The following SLF1 variants were observed in gnomAD, a reference collection of about 807,000 sequenced individuals.
The protein encoded by SLF1 is SMC5-SMC6 complex localization factor protein 1.
Under a neutral mutation model 123.0 loss-of-function variants are expected in SLF1, and 105 were observed. The observed-to-expected ratio is 0.85, with a 90% CI of 0.73 to 1.00. The LOEUF (loss-of-function observed/expected upper bound fraction) is 1.00, where lower values mean the gene tolerates loss of function less well. Ranked by LOEUF, SLF1 falls within the 50% of genes least tolerant of loss-of-function variation. The pLI is 0.00. For missense variants in SLF1, 1,239 were observed against 1,223.0 expected, an observed-to-expected ratio of 1.01 and a Z score of -0.20; for synonymous variants, 434 against 406.6, an observed-to-expected ratio of 1.07 and a Z score of -0.81.
In SLF1 at chr5:94,694,953, C is replaced by T. The variant is rs774022932; in HGVS notation, c.2818C>T (p.His940Tyr). Reference protein sequence around the residue: ...TKIEDTVENFHAQAEKHFHYQ... With the variant: ...TKIEDTVENFYAQAEKHFHYQ... ...AATAGAAGATACAGTGGAGAACTTTCATGCACAAGCAGAGAAACATTTTCA... is the reference window on the plus strand; with the variant it reads ...AATAGAAGATACAGTGGAGAACTTTTATGCACAAGCAGAGAAACATTTTCA... Residue 940 changes from histidine (H) to tyrosine (Y), a missense_variant, in exon 21 of 21, where the codon CAT becomes TAT. By Grantham distance (83) the His-to-Tyr change is moderately conservative. Transcript: ENST00000265140. The T allele has an allele frequency of 6.1e-5, 98 of 1,612,488 alleles. No homozygotes were observed. Among genetic ancestry groups the T allele is most frequent in the Non-Finnish European group, 8.1e-5 (95 of 1,179,086 alleles).
chr5:94,635,638 C>T (rs1436144962), intron 4 of SLF1, among the ~76,000 whole-genome samples: 1 of 151,818 alleles, frequency 6.6e-6, no homozygotes, highest in African/African-American at 2.4e-5. Context: ...TTATATAAAA[C>T]ATTTTATTCT....
chr5:94,677,367 G>A (rs1751199963), intron 14 of SLF1, among the ~76,000 whole-genome samples: 1 of 152,138 alleles, frequency 6.6e-6, no homozygotes, highest in Non-Finnish European at 1.5e-5. Flanking sequence ...AAAGGCATGT[G>A]AAAAGGTTTT....
At chr5:94,693,261 T>C (rs541404626) in intron 20 of SLF1, among the ~76,000 whole-genome samples, 14 of 152,186 alleles carry the variant, frequency 9.2e-5, no homozygotes, top group Admixed American at 2.6e-4. Context: ...TTTACTGATA[T>C]CATTTCATAG....
chr5:94,690,242 T>C (rs1392508862), intron 18 of SLF1, among the ~76,000 whole-genome samples: 1 of 152,190 alleles, frequency 6.6e-6, no homozygotes, highest in Non-Finnish European at 1.5e-5. Flanking sequence ...CCAAAGTAAA[T>C]TGCTGAGTCT....
intron 9 of SLF1, among the ~76,000 whole-genome samples, chr5:94,657,009 A>C (rs1312837923): frequency 6.7e-6 from 1 of 148,732 alleles, no homozygotes; most frequent in Non-Finnish European, 1.5e-5. Flanking sequence ...AAATTTATTT[A>C]TATATCTTTA....
chr5:94,671,069 T>G, intron 14 of SLF1, 61 bp downstream of exon 14: 1 of 1,159,982 alleles, frequency 8.6e-7, no homozygotes, highest in Non-Finnish European at 1.2e-6. Context: ...ATTATTTACC[T>G]TTTCCTCTCC....
chr5:94,686,913 G>A lies in SLF1; in HGVS notation c.2121+195G>A, dbSNP rs1021923990. On this transcript the variant is annotated intron_variant, in intron 16 of 20. Coordinates refer to ENST00000265140, the MANE Select transcript of SLF1 (RefSeq NM_032290.4). ...TGGCATTCTCCTGCCTCAGCCTCCC[G>A]AGTAGCTGGGCTACAGGCGCCCACC... Among the ~76,000 whole-genome samples, 6 of 152,072 alleles carry A rather than the reference G, an allele frequency of 3.9e-5. No homozygotes were observed. The East Asian group carries it at 9.7e-4, about 25-fold the overall frequency.
rs1752849015 is a variant in SLF1, at chr5:94,689,626, T to G, written c.2419+20T>G. On this transcript the variant is annotated intron_variant, in intron 18 of 20. Coordinates refer to ENST00000265140, the MANE Select transcript of SLF1 (RefSeq NM_032290.4). ...TAAAAGGTATTCCAAGTATTTAAAT[T>G]AATTTATGCTAAGAACTTTTCATGG... 6.3e-7 allele frequency: 1 copy of G among 1,587,970 alleles called. No individual in the cohort carries two copies. Among genetic ancestry groups the G allele is most frequent in the East Asian group, 2.2e-5 (1 of 44,618 alleles).
chr5:94,633,667 G>A (rs567074274), intron 4 of SLF1, among the ~76,000 whole-genome samples: 23 of 152,218 alleles, frequency 1.5e-4, no homozygotes, highest in Non-Finnish European at 2.8e-4. Flanking sequence ...AAAATTTAAC[G>A]AAGATACTAG....
chr5:94,676,398 G>T (rs1751062571), intron 14 of SLF1, among the ~76,000 whole-genome samples: 1 of 152,240 alleles, frequency 6.6e-6, no homozygotes, highest in South Asian at 2.1e-4. Flanking sequence ...GGGAGGTGTT[G>T]GTGCTACTGA....
chr5:94,629,779 C>T (rs1267047467), intron 3 of SLF1: 2 of 152,174 alleles, frequency 1.3e-5, no homozygotes, highest in Non-Finnish European at 2.9e-5. Context: ...AAAACACTTG[C>T]ATTCGTTTTT....
At chr5:94,690,751 C>T (rs767157108) in intron 18 of SLF1, among the ~76,000 whole-genome samples, 1 of 151,000 alleles carries the variant, frequency 6.6e-6, no homozygotes, top group Non-Finnish European at 1.5e-5. Context: ...TTAAAATTCC[C>T]CTTAAATAAT....
At chr5:94,638,029 A>G (rs1324917581) in intron 4 of SLF1, among the ~76,000 whole-genome samples, 2 of 152,002 alleles carry the variant, frequency 1.3e-5, no homozygotes, top group African/African-American at 4.8e-5. Context: ...CGCCAGGTAG[A>G]ACATCCCACA....
At chr5:94,688,707 G>A (rs750496997) in intron 17 of SLF1, 38 bp downstream of exon 17, 3 of 1,604,246 alleles carry the variant, frequency 1.9e-6, no homozygotes, top group Admixed American at 3.4e-5. Flanking sequence ...CTTTGTTTTG[G>A]AGTACAGCTC....
intron 4 of SLF1, among the ~76,000 whole-genome samples, chr5:94,631,639 T>A (rs115580897): frequency 6.6e-6 from 1 of 152,352 alleles, no homozygotes; most frequent in African/African-American, 2.4e-5. Context: ...TGTTACAGTC[T>A]GTTTATTCAC....
intron 12 of SLF1, among the ~76,000 whole-genome samples, chr5:94,667,744 T>G (rs149184632): frequency 1.6e-3 from 236 of 152,232 alleles, no homozygotes; most frequent in African/African-American, 5.4e-3. Flanking sequence ...CTTTTTTGTT[T>G]GTTTGTTTGT....
intron 7 of SLF1, 122 bp from the exon 8 acceptor site, chr5:94,653,149 GC>G (rs1747950857): frequency 2.1e-6 from 2 of 955,952 alleles, no homozygotes; most frequent in East Asian, 6.7e-5. Flanking sequence ...GAGCCACCGC[GC>G]CCGGCCGTAC....
intron 20 of SLF1, among the ~76,000 whole-genome samples, 183 bp from the exon 21 acceptor site, chr5:94,694,648 A>G (rs1050135230): frequency 1.3e-5 from 2 of 151,912 alleles, no homozygotes; most frequent in African/African-American, 4.8e-5. Context: ...GTAATTGACT[A>G]GAATTTTTTT....
At chr5:94,639,207 T>G (rs1746174096) in intron 4 of SLF1, among the ~76,000 whole-genome samples, 1 of 151,958 alleles carries the variant, frequency 6.6e-6, no homozygotes, top group Non-Finnish European at 1.5e-5. Context: ...GCTCGACTAA[T>G]TTTTCTATTT....
Sources: gnomAD v4.1 joint callset for allele counts (sites outside exome capture counted in the v4.1 genomes callset) on GRCh38, gnomAD v4.1.1 for gene constraint, MANE v1.5 for transcripts, NCBI Gene and HGNC (gene_info 2026-07-23, HGNC 2026-07-21) for gene names.